The following CACNA1H variants were observed in gnomAD, a reference collection of about 807,000 sequenced individuals.
The protein encoded by CACNA1H is calcium voltage-gated channel subunit alpha1 H.
Under a neutral mutation model 192.5 loss-of-function variants are expected in CACNA1H, and 149 were observed. The ratio of observed to expected loss-of-function variants is 0.77; its 90% CI spans 0.68 to 0.89. The LOEUF is 0.89. Ranked by LOEUF, CACNA1H falls within the 40% of genes least tolerant of loss-of-function variation. The pLI, the probability that CACNA1H is intolerant of heterozygous loss-of-function variation, is 0.00. For synonymous variants in CACNA1H, 2,202 were observed against 1,475.2 expected, an observed-to-expected ratio of 1.49 and a Z score of -11.29; for missense variants, 4,257 against 3,423.5, an observed-to-expected ratio of 1.24 and a Z score of -6.08.
rs1379755939 is a variant in CACNA1H at position 1,221,552 on chromosome 16, A to G, written c.*558A>G. 2 of 514,886 alleles carry G rather than the reference A, an allele frequency of 3.9e-6. No homozygotes were observed. The highest frequency in any genetic ancestry group is 7.1e-5 in the East Asian group (2 of 28,048). The allele number at this position is 514,886 out of a possible 1,614,324, so 31.9% of individuals were successfully genotyped here. A position where few individuals can be genotyped will look rare whatever the true frequency, so the allele number is the denominator to read the frequency against. On this transcript the variant is annotated 3_prime_UTR_variant, in exon 35 of 35. Transcript: ENST00000348261. ...GTGACTCTGGGAGAGGTGACACCTCACTAAGGGGCCGACCCCATGGAGTAA... is the reference window on the plus strand; with the variant it reads ...GTGACTCTGGGAGAGGTGACACCTCGCTAAGGGGCCGACCCCATGGAGTAA...
intron 17 of CACNA1H, 103 bp from the exon 18 acceptor site, chr16:1,209,932 T>G: frequency 2.4e-6 from 2 of 830,278 alleles, no homozygotes; most frequent in Non-Finnish European, 3.8e-6. Context: ...TGGAGAAGGC[T>G]GAGAAGGTGC....
intron 2 of CACNA1H, among the ~76,000 whole-genome samples, chr16:1,172,594 C>T (rs1407053110): frequency 6.6e-6 from 1 of 152,194 alleles, no homozygotes; most frequent in Non-Finnish European, 1.5e-5. Flanking sequence ...ACCGCTGGAT[C>T]CTAGCAGGAG....
In CACNA1H at chr16:1,204,349, C is replaced by T. The variant is rs200687647; in HGVS notation, c.2342C>T (p.Thr781Ile). Residue 781 changes from threonine (T) to isoleucine (I), a missense_variant, in exon 10 of 35, where the codon ACC (threonine) becomes ATC (isoleucine). Physicochemically the swap from Thr to Ile is moderately conservative, Grantham distance 89. Transcript: ENST00000348261. The part of the protein sequence containing the change: ...EPGWMGRLWV[T>I]FSGKLRRIVD... ...GGCTGGATGGGCCGCCTCTGGGTTACCTTCAGCGGCAAGCTGCGCCGCATC... is the reference window on the plus strand; with the variant it reads ...GGCTGGATGGGCCGCCTCTGGGTTATCTTCAGCGGCAAGCTGCGCCGCATC... The T allele has an allele frequency of 1.6e-4, 256 of 1,581,204 alleles. No homozygotes were observed. Among genetic ancestry groups the T allele is most frequent in the Non-Finnish European group, 2.0e-4 (235 of 1,163,850 alleles).
At position 1,209,100 on chromosome 16, in the gene CACNA1H, C is replaced by T. The variant is rs1969112045; in HGVS notation, c.3432C>T (p.Ser1144=). The change falls in exon 17 of 35, where the codon AGC becomes AGT. Residue 1144 remains serine (S), a synonymous_variant. Coordinates refer to ENST00000348261, the MANE Select transcript of CACNA1H (RefSeq NM_021098.3). ...GCGCCTGGAGCAGCCGGCGCTCCAG[C>T]TGGAGCAGCCTGGGCCGTGCCCCCA... ...PSGAWSSRRS[S]WSSLGRAPSL... is the part of the protein sequence containing the mutation. The T allele has an allele frequency of 1.3e-6, 2 of 1,549,318 alleles. No individual in the cohort carries two copies. Among genetic ancestry groups the T allele is most frequent in the African/African-American group, 1.4e-5 (1 of 72,756 alleles).
intron 34 of CACNA1H, 38 bp downstream of exon 34, chr16:1,219,168 G>C: frequency 6.7e-7 from 1 of 1,484,940 alleles, no homozygotes; most frequent in Non-Finnish European, 9.0e-7. Flanking sequence ...AGGCTGGCGG[G>C]GATGGGGGGC....
intron 2 of CACNA1H, among the ~76,000 whole-genome samples, chr16:1,173,515 CTAACT>C (rs1964570171): frequency 6.6e-6 from 1 of 152,252 alleles, no homozygotes; most frequent in Non-Finnish European, 1.5e-5. Flanking sequence ...AAATTGTTTA[CTAACT>C]TAACCACAAT....
At chr16:1,154,066 G>A in intron 2 of CACNA1H, 30 bp downstream of exon 2, 5 of 905,542 alleles carry the variant, frequency 5.5e-6, no homozygotes, top group Non-Finnish European at 5.7e-6. Context: ...GGGGGCGGGG[G>A]GCGGGGGGCG....
rs372082990 is a variant in CACNA1H, at chr16:1,199,855, G to C, written c.804-401G>C. On this transcript the variant is annotated intron_variant, in intron 6 of 34. Transcript: ENST00000348261. ...TCCCTCCCCTCGTCCCTTGCCCTTT[G>C]CCCCTCATCCGCTTCCAGGAGTTGC... is the stretch of plus-strand genomic sequence containing the variant. 4.0e-3 allele frequency among the ~76,000 whole-genome samples: 607 copies of C among 152,026 alleles called. 9 individuals carry two copies. The highest frequency in any genetic ancestry group is 0.014 in the African/African-American group (574 of 41,466).
At chr16:1,218,145 G>A (rs963387063) in intron 32 of CACNA1H, 65 bp from the exon 33 acceptor site, 7 of 1,532,190 alleles carry the variant, frequency 4.6e-6, no homozygotes, top group Middle Eastern at 1.7e-4. Flanking sequence ...GGAAGGGGAC[G>A]GCACTGCCAG....
At chr16:1,161,771 G>A (rs1255057340) in intron 2 of CACNA1H, among the ~76,000 whole-genome samples, 2 of 152,170 alleles carry the variant, frequency 1.3e-5, no homozygotes, top group African/African-American at 4.8e-5. Flanking sequence ...GCTGATGGGG[G>A]ACAGACCGCT....
intron 2 of CACNA1H, among the ~76,000 whole-genome samples, chr16:1,173,442 T>G (rs1356734143): frequency 6.6e-6 from 1 of 152,270 alleles, no homozygotes; most frequent in Non-Finnish European, 1.5e-5. Flanking sequence ...GCCCAAAGCC[T>G]CTGCTCCTGG....
chr16:1,158,106 G>A (rs1175829399), intron 2 of CACNA1H: 1 of 152,334 alleles, frequency 6.6e-6, no homozygotes, highest in African/African-American at 2.4e-5. Flanking sequence ...CCTGGGACAG[G>A]TGTGGGTTCC....
chr16:1,212,157 C>A lies in CACNA1H; in HGVS notation c.4759+19C>A. 1 of 1,591,238 alleles carries A rather than the reference C, an allele frequency of 6.3e-7. No individual in the cohort carries two copies. Among genetic ancestry groups the A allele is most frequent in the South Asian group, 1.1e-5 (1 of 90,474 alleles). On this transcript the variant is annotated intron_variant, in intron 25 of 34. Transcript: ENST00000348261. ...CGCAGGAGTAAGGCGCTCCCGGTGGCGGTGGCGGTGGCGGGTCGGTACCTG... is the reference window on the plus strand; with the variant it reads ...CGCAGGAGTAAGGCGCTCCCGGTGGAGGTGGCGGTGGCGGGTCGGTACCTG...
At chr16:1,155,190 C>G (rs1275262799) in intron 2 of CACNA1H, among the ~76,000 whole-genome samples, 1 of 152,218 alleles carries the variant, frequency 6.6e-6, no homozygotes, top group Non-Finnish European at 1.5e-5. Flanking sequence ...GTGAGTCAGA[C>G]TCATCTCTGC....
In CACNA1H at chr16:1,198,709, CGTT is replaced by C; in HGVS notation, c.740_742del (p.Val247del). 6.2e-7 allele frequency: 1 copy of C among 1,613,406 alleles called. No homozygotes were observed. The highest frequency in any genetic ancestry group is 8.5e-7 in the Non-Finnish European group (1 of 1,179,630). On this transcript the variant is annotated inframe_deletion, in exon 6 of 35. Transcript: ENST00000348261. ...TCTTCGTCTTCTTCATTTTCGGCAT[CGTT>C]GGCGTCCAGCTCTGGGCTGGCCTCC...
intron 11 of CACNA1H, 145 bp from the exon 12 acceptor site, chr16:1,205,959 C>A (rs1170274703): frequency 4.0e-6 from 3 of 750,352 alleles, no homozygotes; most frequent in Non-Finnish European, 6.2e-6. Flanking sequence ...TGTTCATGCA[C>A]CTTGATGCAG....
chr16:1,206,876 G>A (rs1012303402), intron 12 of CACNA1H, 125 bp from the exon 13 acceptor site: 1 of 620,270 alleles, frequency 1.6e-6, no homozygotes. Context: ...AGGAGGCCAG[G>A]AGAGCCAAGA....
chr16:1,166,724 G>A (rs1445732142), intron 2 of CACNA1H, among the ~76,000 whole-genome samples: 1 of 152,142 alleles, frequency 6.6e-6, no homozygotes, highest in East Asian at 1.9e-4. Flanking sequence ...CTTCTCTCGA[G>A]CTTTGTGCGG....
chr16:1,187,766 T>C (rs737291), intron 2 of CACNA1H, among the ~76,000 whole-genome samples: 4,934 of 152,334 alleles, frequency 0.032, 306 homozygotes, highest in African/African-American at 0.11. Flanking sequence ...TTCGCTGGGC[T>C]AGCGCTGCTA....
Sources: gnomAD v4.1 joint callset for allele counts (sites outside exome capture counted in the v4.1 genomes callset) on GRCh38, gnomAD v4.1.1 for gene constraint, MANE v1.5 for transcripts, NCBI Gene and HGNC (gene_info 2026-07-23, HGNC 2026-07-21) for gene names.